The following ANKRD16 variants were observed in gnomAD, a reference collection of about 807,000 sequenced individuals.
The protein encoded by ANKRD16 is ankyrin repeat domain 16, also known as ankyrin repeat domain-containing protein 16.
In ANKRD16, 35 loss-of-function variants were observed where a neutral mutation model predicts 37.9. That is an observed-to-expected ratio of 0.92 (90% CI 0.71 to 1.23). The LOEUF (loss-of-function observed/expected upper bound fraction) is 1.23. Among genes scored for constraint, ANKRD16 ranks in the 50% most tolerant of loss-of-function variants. The pLI is 0.00. For synonymous variants in ANKRD16, 206 were observed against 197.2 expected (o/e 1.04, Z -0.37); for missense variants, 480 against 469.9 (o/e 1.02, Z -0.20).
In ANKRD16 at chr10:5,877,927, T is replaced by C. The variant is rs185270045; in HGVS notation, c.*33+170A>G. ...GATTATGACTGTGCTTGGGACTCCA[T>C]AATGTGCCTGTCATGGAGCTGGGAA... On this transcript the variant is annotated intron_variant, in intron 7 of 7. Transcript: ENST00000380094. Among the ~76,000 whole-genome samples the C allele has an allele frequency of 4.6e-5, 7 of 152,288 alleles. No individual in the cohort carries two copies. In the East Asian group the frequency reaches 1.3e-3, roughly 29 times the overall value.
chr10:5,877,576 C>G (rs1842203717), intron 7 of ANKRD16, among the ~76,000 whole-genome samples: 1 of 152,150 alleles, frequency 6.6e-6, no homozygotes, highest in African/African-American at 2.4e-5. Flanking sequence ...CCTGTGTAAA[C>G]AGATTATAAG....
intron 7 of ANKRD16, among the ~76,000 whole-genome samples, chr10:5,873,683 C>CT (rs1842139285): frequency 6.6e-6 from 1 of 152,122 alleles, no homozygotes; most frequent in African/African-American, 2.4e-5. Context: ...AAATTCAGTG[C>CT]TTGCTCCTCC....
chr10:5,880,965 C>CTT (rs36119022), intron 5 of ANKRD16: 5,640 of 136,700 alleles, frequency 0.041, 201 homozygotes, highest in East Asian at 0.13. Context: ...CTAATTTATT[C>CTT]TTTTTTTTTT....
chr10:5,862,635 G>A lies in ANKRD16; in HGVS notation c.*90C>T. 1.6e-6 allele frequency: 2 copies of A among 1,289,572 alleles called. No individual in the cohort carries two copies. The highest frequency in any genetic ancestry group is 2.0e-6 in the Non-Finnish European group (2 of 988,872). 79.9% of individuals were successfully genotyped at this position (1,289,572 alleles called of 1,614,324 possible). On this transcript the variant is annotated 3_prime_UTR_variant, in exon 8 of 8. Transcript: ENST00000380094. This position sits in a 1 kb window ranked among gnomAD's most constrained non-coding sequence, Gnocchi z 6.5. ...CTCAGGTTCAGGATGACTGAAGCAA[G>A]TTGCACTTGGCTTTCTCTGAGCCGA... is the stretch of plus-strand genomic sequence containing the variant.
Position 5,869,116 on chromosome 10 carries a change from T to C in ANKRD16, c.*34-6425A>G, listed in dbSNP as rs986006137. Among the ~76,000 whole-genome samples, 2 of 151,980 alleles carry C rather than the reference T, an allele frequency of 1.3e-5. No individual in the cohort carries two copies. The highest frequency in any genetic ancestry group is 2.9e-5 in the Non-Finnish European group (2 of 68,004). On this transcript the variant is annotated intron_variant, in intron 7 of 7. Transcript: ENST00000380094. This position sits in a 1 kb window ranked among gnomAD's most constrained non-coding sequence, Gnocchi z 4.0. The stretch of plus-strand genomic sequence containing the variant: ...GCTCATCAGCTATCTTTAGTGATAG[T>C]GTAGTTTATGTGTGGCCCAAGACAA...
chr10:5,863,740 C>A lies in ANKRD16; in HGVS notation c.*34-1049G>T, dbSNP rs1326967048. Among the ~76,000 whole-genome samples the A allele has an allele frequency of 1.3e-5, 2 of 152,156 alleles. No individual in the cohort carries two copies. The highest frequency in any genetic ancestry group is 1.3e-4 in the Admixed American group (2 of 15,276). On this transcript the variant is annotated intron_variant, in intron 7 of 7. Transcript: ENST00000380094. This position sits in a 1 kb window ranked among gnomAD's most constrained non-coding sequence, Gnocchi z 4.7. ...CACTCACCGTGAGGGTCTGCGGCTTCATTCCTGAAGTCAGCAAGACCACAA... is the reference window on the plus strand; with the variant it reads ...CACTCACCGTGAGGGTCTGCGGCTTAATTCCTGAAGTCAGCAAGACCACAA...
chr10:5,876,380 C>T (rs559760181), intron 7 of ANKRD16, among the ~76,000 whole-genome samples: 12 of 152,284 alleles, frequency 7.9e-5, no homozygotes, highest in East Asian at 3.9e-4. Context: ...TGATCGTGCA[C>T]GCAGCTGCTG....
In ANKRD16 at chr10:5,863,197, G is replaced by A. The variant is rs1841965990; in HGVS notation, c.*34-506C>T. Reference sequence around the variant, plus strand: ...CAGATCCCACAGGAGAGGGAAGGGGGAGCTGCTCTCAATTCAGATCAAGTT... The same window carrying A: ...CAGATCCCACAGGAGAGGGAAGGGGAAGCTGCTCTCAATTCAGATCAAGTT... On this transcript the variant is annotated intron_variant, in intron 7 of 7. Coordinates refer to ENST00000380094, the MANE Select transcript of ANKRD16 (RefSeq NM_019046.3). This position sits in a 1 kb window ranked among gnomAD's most constrained non-coding sequence, Gnocchi z 4.7. Among the ~76,000 whole-genome samples, 1 of 152,028 alleles carries A rather than the reference G, an allele frequency of 6.6e-6. No individual in the cohort carries two copies. The highest frequency in any genetic ancestry group is 6.6e-5 in the Admixed American group (1 of 15,252).
At chr10:5,887,482 C>A (rs959389444) in intron 2 of ANKRD16, among the ~76,000 whole-genome samples, 6 of 150,984 alleles carry the variant, frequency 4.0e-5, no homozygotes, top group African/African-American at 1.5e-4. Context: ...TCAAGCCATT[C>A]TCCTGCCTCA....
Position 5,885,373 on chromosome 10 carries a change from A to G in ANKRD16, c.578+350T>C, listed in dbSNP as rs557157180. ...TTTTTTTTGAATTTTTAGTAGAGAC[A>G]GGGTTTCGCTGTGTTAGCCAGGATG... is the stretch of plus-strand genomic sequence containing the variant. On this transcript the variant is annotated intron_variant, in intron 3 of 7. Coordinates refer to ENST00000380094, the MANE Select transcript of ANKRD16 (RefSeq NM_019046.3). 1.1e-4 allele frequency among the ~76,000 whole-genome samples: 17 copies of G among 152,060 alleles called. No homozygotes were observed. The South Asian group carries it at 2.7e-3, about 24-fold the overall frequency.
At position 5,866,516 on chromosome 10, in the gene ANKRD16, G is replaced by A. The variant is rs891947513; in HGVS notation, c.*34-3825C>T. ...ACTGGGAAAGGAAAGGAGAATAAATGTGTATACAGATAGCAAGTATGCTTA... is the reference window on the plus strand; with the variant it reads ...ACTGGGAAAGGAAAGGAGAATAAATATGTATACAGATAGCAAGTATGCTTA... On this transcript the variant is annotated intron_variant, in intron 7 of 7. Coordinates refer to ENST00000380094, the MANE Select transcript of ANKRD16 (RefSeq NM_019046.3). The surrounding 1 kb of genome is among the most constrained non-coding windows in gnomAD (Gnocchi z 4.3). 1.3e-5 allele frequency among the ~76,000 whole-genome samples: 2 copies of A among 152,234 alleles called. No homozygotes were observed. Among genetic ancestry groups the A allele is most frequent in the African/African-American group, 4.8e-5 (2 of 41,466 alleles).
chr10:5,886,823 G>C (rs578152772), intron 2 of ANKRD16, among the ~76,000 whole-genome samples: 2 of 152,058 alleles, frequency 1.3e-5, no homozygotes, highest in Non-Finnish European at 2.9e-5. Context: ...TGAGCAAATT[G>C]AAACTTTTTA....
chr10:5,882,766 G>A, intron 5 of ANKRD16: 1 of 346,602 alleles, frequency 2.9e-6, no homozygotes, highest in Non-Finnish European at 5.3e-6. Context: ...ACCTGTGTGT[G>A]AGGGGGAGGC....
chr10:5,864,830 A>G lies in ANKRD16; in HGVS notation c.*34-2139T>C, dbSNP rs947093479. On this transcript the variant is annotated intron_variant, in intron 7 of 7. Coordinates refer to ENST00000380094, the MANE Select transcript of ANKRD16 (RefSeq NM_019046.3). The surrounding 1 kb of genome is among the most constrained non-coding windows in gnomAD (Gnocchi z 4.4). ...TGAATTATTTGATGATGTCCACCAT[A>G]ACTCAGGGAAAGGAAGAAAATCCTT... Among the ~76,000 whole-genome samples the G allele has an allele frequency of 2.6e-5, 4 of 152,208 alleles. No individual in the cohort carries two copies. Among genetic ancestry groups the G allele is most frequent in the Non-Finnish European group, 4.4e-5 (3 of 68,036 alleles).
At position 5,869,116 on chromosome 10, in the gene ANKRD16, T is replaced by G. The variant is rs986006137; in HGVS notation, c.*34-6425A>C. 6.6e-6 allele frequency among the ~76,000 whole-genome samples: 1 copy of G among 151,980 alleles called. No individual in the cohort carries two copies. The highest frequency in any genetic ancestry group is 1.5e-5 in the Non-Finnish European group (1 of 68,004). ...GCTCATCAGCTATCTTTAGTGATAG[T>G]GTAGTTTATGTGTGGCCCAAGACAA... On this transcript the variant is annotated intron_variant, in intron 7 of 7. Transcript: ENST00000380094. The surrounding 1 kb of genome is among the most constrained non-coding windows in gnomAD (Gnocchi z 4.0).
At chr10:5,882,765 T>A (rs1028989733) in intron 5 of ANKRD16, 3 of 335,022 alleles carry the variant, frequency 9.0e-6, no homozygotes, top group African/African-American at 6.4e-5. Context: ...AACCTGTGTG[T>A]GAGGGGGAGG....
Position 5,874,712 on chromosome 10 carries a change from T to C in ANKRD16, c.*33+3385A>G, listed in dbSNP as rs1454662355. Among the ~76,000 whole-genome samples, 2 of 151,950 alleles carry C rather than the reference T, an allele frequency of 1.3e-5. No homozygotes were observed. Among genetic ancestry groups the C allele is most frequent in the East Asian group, 3.9e-4 (2 of 5,172 alleles). On this transcript the variant is annotated intron_variant, in intron 7 of 7. Transcript: ENST00000380094. This position sits in a 1 kb window ranked among gnomAD's most constrained non-coding sequence, Gnocchi z 4.7. The stretch of plus-strand genomic sequence containing the variant: ...CTGAATGTGAGATGGCCTCAGAACA[T>C]CCATGCAGAAACGTAAGCAGGCAGT...
At chr10:5,883,808 T>C (rs916307272) in intron 4 of ANKRD16, among the ~76,000 whole-genome samples, 161 bp downstream of exon 4, 1 of 152,224 alleles carries the variant, frequency 6.6e-6, no homozygotes, top group Non-Finnish European at 1.5e-5. Flanking sequence ...ATTTTACAGA[T>C]GGGAACACTG....
chr10:5,888,269 T>C (rs1166176507), intron 1 of ANKRD16, among the ~76,000 whole-genome samples: 1 of 152,146 alleles, frequency 6.6e-6, no homozygotes, highest in African/African-American at 2.4e-5. Context: ...GGGAAAATGA[T>C]TGTAACGAAC....
Sources: gnomAD v4.1 joint callset for allele counts (sites outside exome capture counted in the v4.1 genomes callset) on GRCh38, gnomAD v4.1.1 for gene constraint, Gnocchi (gnomAD v3.1) non-coding constraint, MANE v1.5 for transcripts, NCBI Gene and HGNC (gene_info 2026-07-23, HGNC 2026-07-21) for gene names.